Variants in NARS2 observed in about 807,000 individuals in gnomAD.
The protein encoded by NARS2 is asparaginyl-tRNA synthetase.
Under a neutral mutation model 62.9 loss-of-function variants are expected in NARS2, and 60 were observed. The observed-to-expected ratio is 0.95, with a 90% confidence interval of 0.77 to 1.18. NARS2 has a LOEUF of 1.18. NARS2 is among the 50% of genes most tolerant of loss of function. The pLI is 0.00. For missense variants in NARS2, 619 were observed against 576.4 expected (o/e 1.07, Z -0.76); for synonymous variants, 196 against 200.0 (o/e 0.98, Z 0.17).
intron 11 of NARS2, among the ~76,000 whole-genome samples, chr11:78,459,210 G>A (rs574612089): frequency 8.5e-5 from 12 of 141,376 alleles, no homozygotes; most frequent in Admixed American, 3.5e-4. Flanking sequence ...CCACGGCGCC[G>A]GTCAATCTGA....
intron 9 of NARS2, among the ~76,000 whole-genome samples, chr11:78,469,731 A>C (rs1023049600): frequency 1.3e-5 from 2 of 152,066 alleles, no homozygotes; most frequent in African/African-American, 2.4e-5. Context: ...CTCAGCCTTC[A>C]TGGAGACAAT....
At chr11:78,450,293 C>T (rs1418170816) in intron 11 of NARS2, among the ~76,000 whole-genome samples, 4 of 152,120 alleles carry the variant, frequency 2.6e-5, no homozygotes, top group Admixed American at 2.0e-4. Context: ...GGGAGATAAA[C>T]GAATCAGTAT....
chr11:78,444,021 A>G (rs1470436653), intron 11 of NARS2: 1 of 229,050 alleles, frequency 4.4e-6, no homozygotes, highest in East Asian at 8.7e-5. Context: ...ATTATGAAAC[A>G]TTAAAAATCA....
rs114058911 is a variant in NARS2 at position 78,553,801 on chromosome 11, G to C, written c.594+5738C>G. 8.5e-3 allele frequency among the ~76,000 whole-genome samples: 1,298 copies of C among 152,260 alleles called. 19 individuals carry two copies. The highest frequency in any genetic ancestry group is 0.03 in the African/African-American group (1,231 of 41,544). ...TTTTGCTTTTGTTGTAATTGCTTTT[G>C]ATGTCTGTCATGAAATCTCTGCCAG... is the stretch of plus-strand genomic sequence containing the variant. On this transcript the variant is annotated intron_variant, in intron 5 of 13. Transcript: ENST00000281038.
intron 11 of NARS2, among the ~76,000 whole-genome samples, chr11:78,450,384 T>C (rs12288436): frequency 0.23 from 34,218 of 152,014 alleles, 4,191 homozygotes; most frequent in East Asian, 0.41. Context: ...ACCACTACTA[T>C]ATCTTTACTT....
At chr11:78,538,950 G>C (rs1006268000) in intron 5 of NARS2, among the ~76,000 whole-genome samples, 3 of 128,062 alleles carry the variant, frequency 2.3e-5, no homozygotes, top group African/African-American at 9.1e-5. Flanking sequence ...AGCCGAGATC[G>C]CGCCACTGCA....
intron 5 of NARS2, among the ~76,000 whole-genome samples, chr11:78,550,478 T>C (rs550241573): frequency 2.6e-5 from 4 of 152,320 alleles, no homozygotes; most frequent in Admixed American, 2.6e-4. Context: ...AATTGTTAAA[T>C]GAAGAAATTT....
intron 9 of NARS2, among the ~76,000 whole-genome samples, chr11:78,472,022 G>C (rs1858899914): frequency 6.6e-6 from 1 of 152,082 alleles, no homozygotes. Flanking sequence ...TAAGCAGTAA[G>C]ATTTTGTACC....
At chr11:78,511,743 C>G (rs561027233) in intron 6 of NARS2, among the ~76,000 whole-genome samples, 1 of 151,174 alleles carries the variant, frequency 6.6e-6, no homozygotes, top group Non-Finnish European at 1.5e-5. Flanking sequence ...AAGAATTTGT[C>G]AAAACATGTA....
intron 5 of NARS2, among the ~76,000 whole-genome samples, chr11:78,537,294 C>A (rs1407712714): frequency 6.6e-6 from 1 of 152,160 alleles, no homozygotes; most frequent in East Asian, 1.9e-4. Context: ...GGATTCATTT[C>A]TATCAATCTC....
chr11:78,566,023 C>A, intron 4 of NARS2, 109 bp downstream of exon 4: 1 of 922,008 alleles, frequency 1.1e-6, no homozygotes, highest in South Asian at 2.0e-5. Flanking sequence ...CCAATCAAAA[C>A]TAACCCATAA....
chr11:78,493,302 C>G (rs1590769998), intron 6 of NARS2, 107 bp from the exon 7 acceptor site: 1 of 1,002,720 alleles, frequency 1.0e-6, no homozygotes, highest in Non-Finnish European at 1.5e-6. Flanking sequence ...GTGCCTCTGT[C>G]TTGTCCACAG....
At chr11:78,464,007 C>T (rs1858506242) in intron 11 of NARS2, among the ~76,000 whole-genome samples, 1 of 152,172 alleles carries the variant, frequency 6.6e-6, no homozygotes, top group South Asian at 2.1e-4. Flanking sequence ...AAGCCGCGGA[C>T]CCTCACGGTG....
At position 78,566,260 on chromosome 11, in the gene NARS2, T is replaced by C. The variant is rs768959016; in HGVS notation, c.385A>G (p.Lys129Glu). The C allele has an allele frequency of 1.9e-6, 3 of 1,587,336 alleles. No individual in the cohort carries two copies. The highest frequency in any genetic ancestry group is 1.8e-5 in the Admixed American group (1 of 55,826). The change falls in exon 4 of 14, where the codon AAA becomes GAA. Residue 129 changes from lysine (K) to glutamate (E), a missense_variant. Physicochemically the swap from Lys to Glu is moderately conservative, Grantham distance 56. Transcript: ENST00000281038. ...TCCAGAGGATGCCTCTCTTTATATT[T>C]GATGGGGAAATCCTGCCAATAAATG... ...GNCDAKDFPI[K>E]YKERHPLEYL...
At chr11:78,561,816 T>C (rs533214180) in intron 4 of NARS2, among the ~76,000 whole-genome samples, 8 of 152,226 alleles carry the variant, frequency 5.3e-5, no homozygotes, top group Non-Finnish European at 7.4e-5. Flanking sequence ...TCCCAGCACT[T>C]TGGGAGGCTG....
intron 9 of NARS2, among the ~76,000 whole-genome samples, chr11:78,471,757 TC>T (rs1858888105): frequency 6.8e-6 from 1 of 146,552 alleles, no homozygotes; most frequent in Non-Finnish European, 1.5e-5. Context: ...ATTGTTCAAT[TC>T]CCACCTATGA....
chr11:78,571,461 T>G lies in NARS2; in HGVS notation c.142-17A>C, dbSNP rs1303308079. The G allele has an allele frequency of 1.9e-6, 3 of 1,566,132 alleles. No individual in the cohort carries two copies. The highest frequency in any genetic ancestry group is 2.7e-5 in the African/African-American group (2 of 73,440). On this transcript the variant is annotated splice_polypyrimidine_tract_variant and intron_variant, in intron 1 of 13. Coordinates refer to ENST00000281038, the MANE Select transcript of NARS2 (RefSeq NM_024678.6). ...AATCCATCCCTAAGGAAGAGAAATATTTCCAATGTGAGCGTAAAACATTTT... is the reference window on the plus strand; with the variant it reads ...AATCCATCCCTAAGGAAGAGAAATAGTTCCAATGTGAGCGTAAAACATTTT...
chr11:78,485,073 G>C (rs144135053), intron 7 of NARS2, among the ~76,000 whole-genome samples: 2 of 152,168 alleles, frequency 1.3e-5, no homozygotes, highest in African/African-American at 4.8e-5. Context: ...GAATGAGTTC[G>C]TGTCCTTTGC....
chr11:78,532,435 G>T (rs761737795), intron 5 of NARS2, among the ~76,000 whole-genome samples: 49 of 152,240 alleles, frequency 3.2e-4, no homozygotes, highest in Non-Finnish European at 5.9e-4. Context: ...AACAAAAAAA[G>T]AGAAAATAAT....
Sources: allele counts gnomAD v4.1 joint callset (sites outside exome capture counted in the v4.1 genomes callset), GRCh38; gene constraint gnomAD v4.1.1; transcripts MANE v1.5; gene names NCBI Gene and HGNC (gene_info 2026-07-23, HGNC 2026-07-21).